Variants in STAT6 observed in about 807,000 individuals in gnomAD.
The protein encoded by STAT6 is signal transducer and activator of transcription 6.
In STAT6, 45 loss-of-function variants were observed where a neutral mutation model predicts 106.3. The ratio of observed to expected loss-of-function variants is 0.42; its 90% CI spans 0.33 to 0.54. STAT6 has a LOEUF of 0.54. STAT6 is among the 20% of genes least tolerant of loss of function. The pLI is 0.06. For missense variants in STAT6, 797 were observed against 1,062.2 expected (o/e 0.75, Z 3.47); for synonymous variants, 413 against 413.6 (o/e 1.00, Z 0.02).
Position 57,098,608 on chromosome 12 carries a change from A to G in STAT6, c.2067-11T>C. 1 of 1,611,970 alleles carries G rather than the reference A, an allele frequency of 6.2e-7. No individual in the cohort carries two copies. Among genetic ancestry groups the G allele is most frequent in the Non-Finnish European group, 8.5e-7 (1 of 1,178,828 alleles). Reference sequence around the variant, plus strand: ...GGGTACACCTGGGGCCTGGGGAAAGAAAACAGACCCCCTGATGCCAGCCCT... The same window carrying G: ...GGGTACACCTGGGGCCTGGGGAAAGGAAACAGACCCCCTGATGCCAGCCCT... On this transcript the variant is annotated splice_polypyrimidine_tract_variant and intron_variant, in intron 18 of 21. Coordinates refer to ENST00000300134, the MANE Select transcript of STAT6 (RefSeq NM_003153.5).
At position 57,099,270 on chromosome 12, in the gene STAT6, T is replaced by A; in HGVS notation, c.1891+24A>T. 1.2e-6 allele frequency: 2 copies of A among 1,613,752 alleles called. No homozygotes were observed. Among genetic ancestry groups the A allele is most frequent in the Non-Finnish European group, 1.7e-6 (2 of 1,179,810 alleles). ...GGAGGAAGTGGGTGACAGGAAGGAA[T>A]CAGAGCTGCCAGTTCCAGCTCACGC... On this transcript the variant is annotated intron_variant, in intron 16 of 21. Coordinates refer to ENST00000300134, the MANE Select transcript of STAT6 (RefSeq NM_003153.5). This position sits in a 1 kb window ranked among gnomAD's most constrained non-coding sequence, Gnocchi z 4.7.
At position 57,099,327 on chromosome 12, in the gene STAT6, G is replaced by T; in HGVS notation, c.1858C>A (p.Pro620Thr). The T allele has an allele frequency of 6.2e-7, 1 of 1,614,170 alleles. No homozygotes were observed. Among genetic ancestry groups the T allele is most frequent in the Non-Finnish European group, 8.5e-7 (1 of 1,180,022 alleles). Residue 620 changes from proline to threonine, a missense_variant, in exon 16 of 22, where the codon CCC (proline) becomes ACC (threonine). Physicochemically the swap from Pro to Thr is conservative, Grantham distance 38. Around this residue, in one of 4 missense-constraint regions of STAT6, gnomAD observed 222 missense variants for 354.6 expected, o/e 0.63. Transcript: ENST00000300134. The surrounding 1 kb of genome is among the most constrained non-coding windows in gnomAD (Gnocchi z 4.7). ...AQLKNLYPKKPKDEAFRSHYK... is the reference protein window; with the variant it reads ...AQLKNLYPKKTKDEAFRSHYK... ...TGGCTCCGGAAAGCCTCATCCTTGG[G>T]CTTCTTGGGATAGAGATTTTTGAGC...
chr12:57,098,703 A>G (rs147007768), intron 18 of STAT6, 89 bp downstream of exon 18: 5 of 1,554,116 alleles, frequency 3.2e-6, no homozygotes, highest in Admixed American at 1.8e-5. Context: ...TTCCCTGTTC[A>G]GCCCCCAGTG....
chr12:57,102,691 C>T, intron 12 of STAT6, 138 bp downstream of exon 12: 1 of 905,472 alleles, frequency 1.1e-6, no homozygotes, highest in Non-Finnish European at 1.7e-6. Context: ...AGGTCAGAAG[C>T]ACGAAAGCAG....
chr12:57,096,412 G>T lies in STAT6; in HGVS notation c.*160C>A. 1 of 679,536 alleles carries T rather than the reference G, an allele frequency of 1.5e-6. No individual in the cohort carries two copies. The highest frequency in any genetic ancestry group is 2.0e-5 in the South Asian group (1 of 51,030). The allele number at this position is 679,536 out of a possible 1,614,324, so 42.1% of individuals were successfully genotyped here. A position where few individuals can be genotyped will look rare whatever the true frequency, so the allele number is the denominator to read the frequency against. ...AAGGAGTGGATTGGCTCCACCCACT[G>T]TGCATTCTCCTGTTAGTCTTTTCCT... On this transcript the variant is annotated 3_prime_UTR_variant, in exon 22 of 22. Transcript: ENST00000300134.
rs371060783 is a variant in STAT6 at position 57,102,489 on chromosome 12, A to C, written c.1313T>G (p.Val438Gly). The part of the protein sequence containing the change: ...WDNAFSEMDR[V>G]PFVVAERVPW... ...CACCCGCTCAGCCACCACAAAGGGC[A>C]CGCGGTCCTGGGGAGAAGGGGGAAG... is the stretch of plus-strand genomic sequence containing the variant. Residue 438 changes from valine to glycine, a missense_variant, in exon 13 of 22, where the codon GTG becomes GGG. Val to Gly is a moderately radical substitution (Grantham distance 109, BLOSUM62 -3). Coordinates refer to ENST00000300134, the MANE Select transcript of STAT6 (RefSeq NM_003153.5). 1 of 1,613,384 alleles carries C rather than the reference A, an allele frequency of 6.2e-7. No homozygotes were observed. Among genetic ancestry groups the C allele is most frequent in the Non-Finnish European group, 8.5e-7 (1 of 1,179,976 alleles).
At chr12:57,097,761 A>C (rs1295589645) in intron 19 of STAT6, among the ~76,000 whole-genome samples, 1 of 152,168 alleles carries the variant, frequency 6.6e-6, no homozygotes, top group African/African-American at 2.4e-5. Context: ...TGTCTGCAGA[A>C]AAATCTTAAA....
chr12:57,104,879 G>GT, intron 9 of STAT6, 66 bp from the exon 10 acceptor site: 2 of 1,564,584 alleles, frequency 1.3e-6, no homozygotes, highest in Non-Finnish European at 1.8e-6. Context: ...GAGTGCATGG[G>GT]TGAGTGTAGA....
In STAT6 at chr12:57,099,921, G is replaced by C; in HGVS notation, c.1608-18C>G. On this transcript the variant is annotated intron_variant, in intron 14 of 21. Coordinates refer to ENST00000300134, the MANE Select transcript of STAT6 (RefSeq NM_003153.5). The surrounding 1 kb of genome is among the most constrained non-coding windows in gnomAD (Gnocchi z 4.7). ...TGATCAGCCTGGCCGGGATGAAGGA[G>C]AGGATGGGGCATGGGCAGTGAGTAT... is the stretch of plus-strand genomic sequence containing the variant. 6.2e-7 allele frequency: 1 copy of C among 1,614,256 alleles called. No individual in the cohort carries two copies. The highest frequency in any genetic ancestry group is 8.5e-7 in the Non-Finnish European group (1 of 1,180,050).
At chr12:57,104,847 T>A in intron 9 of STAT6, 34 bp from the exon 10 acceptor site, 1 of 1,612,246 alleles carries the variant, frequency 6.2e-7, no homozygotes, top group Non-Finnish European at 8.5e-7. Flanking sequence ...AACGAGCTCA[T>A]CTCACTGTCG....
In STAT6 at chr12:57,097,231, C is replaced by T. The variant is rs1289343050; in HGVS notation, c.2160-98G>A. On this transcript the variant is annotated intron_variant, in intron 19 of 21. Transcript: ENST00000300134. ...TGAGTGAGGAAACAAGCTCCAGCTCCTTATCCTGACTTAGTCATGGCCTGG... is the reference window on the plus strand; with the variant it reads ...TGAGTGAGGAAACAAGCTCCAGCTCTTTATCCTGACTTAGTCATGGCCTGG... 4 of 961,074 alleles carry T rather than the reference C, an allele frequency of 4.2e-6. No individual in the cohort carries two copies. In the African/African-American group the frequency reaches 5.0e-5, roughly 12 times the overall value. The allele number at this position is 961,074 out of a possible 1,614,324, so 59.5% of individuals were successfully genotyped here. A position where few individuals can be genotyped will look rare whatever the true frequency, so the allele number is the denominator to read the frequency against.
Position 57,105,282 on chromosome 12 carries a change from C to G in STAT6, c.870G>C (p.Gln290His). ...AGCCCAACAGGAATCGAACTCCAGC[C>G]TGGAACTTGGTCTGAGTCTTCAGTA... ...PQVLKTQTKF[Q>H]AGVRFLLGLR... Residue 290 changes from glutamine (Q) to histidine (H), a missense_variant, in exon 9 of 22, where the codon CAG becomes CAC. Gln to His is a conservative substitution (Grantham distance 24). Around this residue, in one of 4 missense-constraint regions of STAT6, gnomAD observed 336 missense variants for 429.8 expected, o/e 0.78. Transcript: ENST00000300134. 1 of 1,614,182 alleles carries G rather than the reference C, an allele frequency of 6.2e-7. No individual in the cohort carries two copies. The highest frequency in any genetic ancestry group is 8.5e-7 in the Non-Finnish European group (1 of 1,180,016).
intron 4 of STAT6, 90 bp downstream of exon 4, chr12:57,107,141 T>C (rs1755044141): frequency 2.2e-6 from 3 of 1,390,300 alleles, no homozygotes; most frequent in African/African-American, 1.4e-5. Flanking sequence ...ACTGAGCCTT[T>C]ACTGAGGTTC....
Position 57,099,584 on chromosome 12 carries a change from G to C in STAT6, c.1745-144C>G. ...GCTCCTGAGGGAGAGAGACCCACTA[G>C]TCTCCGTTCCCACAGAGCTCACAGT... On this transcript the variant is annotated intron_variant, in intron 15 of 21. Coordinates refer to ENST00000300134, the MANE Select transcript of STAT6 (RefSeq NM_003153.5). This position sits in a 1 kb window ranked among gnomAD's most constrained non-coding sequence, Gnocchi z 4.7. 2 of 1,383,752 alleles carry C rather than the reference G, an allele frequency of 1.4e-6. No individual in the cohort carries two copies. Among genetic ancestry groups the C allele is most frequent in the East Asian group, 4.7e-5 (2 of 42,698 alleles). 85.7% of individuals were successfully genotyped at this position (1,383,752 alleles called of 1,614,324 possible).
In STAT6 at chr12:57,102,509, G is replaced by C; in HGVS notation, c.1306-13C>G. On this transcript the variant is annotated splice_polypyrimidine_tract_variant and intron_variant, in intron 12 of 21. Coordinates refer to ENST00000300134, the MANE Select transcript of STAT6 (RefSeq NM_003153.5). ...AGGGCACGCGGTCCTGGGGAGAAGG[G>C]GGAAGAAGAGAGCACTGCAGGCTAC... The C allele has an allele frequency of 6.2e-7, 1 of 1,612,490 alleles. No homozygotes were observed. The highest frequency in any genetic ancestry group is 8.5e-7 in the Non-Finnish European group (1 of 1,179,790).
At chr12:57,102,655 A>G (rs1479466072) in intron 12 of STAT6, among the ~76,000 whole-genome samples, 159 bp from the exon 13 acceptor site, 1 of 152,050 alleles carries the variant, frequency 6.6e-6, no homozygotes, top group East Asian at 1.9e-4. Flanking sequence ...CTGTGGCCTG[A>G]TAGTTGTTAA....
At chr12:57,098,749 A>C in intron 18 of STAT6, 43 bp downstream of exon 18, 1 of 1,596,566 alleles carries the variant, frequency 6.3e-7, no homozygotes. Context: ...AGATTAGCCC[A>C]TCTGCACAGA....
intron 13 of STAT6, 99 bp downstream of exon 13, chr12:57,102,191 G>T: frequency 7.6e-7 from 1 of 1,318,708 alleles, no homozygotes; most frequent in Non-Finnish European, 1.1e-6. Flanking sequence ...GCACTGTGGA[G>T]AATCCAGTGG....
In STAT6 at chr12:57,095,627, C is replaced by T. The variant is rs1464095153; in HGVS notation, c.*945G>A. On this transcript the variant is annotated 3_prime_UTR_variant, in exon 22 of 22. Transcript: ENST00000300134. The stretch of plus-strand genomic sequence containing the variant: ...GCCTGGACCCAGACTCTCACCCTGG[C>T]TCCCAGGCAGCATTGGAGGTGTGGA... The T allele has an allele frequency of 1.3e-5, 2 of 152,264 alleles. No homozygotes were observed. The highest frequency in any genetic ancestry group is 1.9e-4 in the East Asian group (1 of 5,196). 9.4% of individuals were successfully genotyped at this position (152,264 alleles called of 1,614,324 possible). A position where few individuals can be genotyped will look rare whatever the true frequency, so the allele number is the denominator to read the frequency against.
Sources: gnomAD v4.1 joint callset for allele counts (sites outside exome capture counted in the v4.1 genomes callset) on GRCh38, gnomAD v4.1.1 for gene constraint, gnomAD v4.1.1 regional missense constraint, Gnocchi (gnomAD v3.1) non-coding constraint, MANE v1.5 for transcripts, NCBI Gene and HGNC (gene_info 2026-07-23, HGNC 2026-07-21) for gene names.